The following VAV3 variants were observed in gnomAD, a reference collection of about 807,000 sequenced individuals.
VAV3 encodes guanine nucleotide exchange factor VAV3.
VAV3 carries 94 observed loss-of-function variants against 131.2 expected under a neutral mutation model. That is an observed-to-expected ratio of 0.72 (90% CI 0.61 to 0.85). The LOEUF is 0.85. Among genes scored for constraint, VAV3 ranks in the 40% least tolerant of loss-of-function variants. VAV3 has a pLI of 0.00. For missense variants in VAV3, 939 were observed against 1,002.7 expected (o/e 0.94, Z 0.86); for synonymous variants, 349 against 342.0 (o/e 1.02, Z -0.22).
intron 25 of VAV3, among the ~76,000 whole-genome samples, chr1:107,593,125 A>T (rs1393426620): frequency 6.6e-6 from 1 of 151,886 alleles, no homozygotes; most frequent in Non-Finnish European, 1.5e-5. Flanking sequence ...GAGACAGCCT[A>T]CAATGGGCCC....
chr1:107,719,393 C>T (rs758289468), intron 15 of VAV3, among the ~76,000 whole-genome samples: 3 of 152,032 alleles, frequency 2.0e-5, no homozygotes, highest in South Asian at 2.1e-4. Context: ...AAAAAGTGGT[C>T]GAAGGATATA....
chr1:107,940,311 T>G (rs1673925052), intron 1 of VAV3, among the ~76,000 whole-genome samples: 1 of 152,188 alleles, frequency 6.6e-6, no homozygotes, highest in Non-Finnish European at 1.5e-5. Context: ...GACTATCATC[T>G]GCCCCACACC....
chr1:107,701,499 A>T (rs1660129660), intron 17 of VAV3, among the ~76,000 whole-genome samples: 1 of 150,684 alleles, frequency 6.6e-6, no homozygotes, highest in Non-Finnish European at 1.5e-5. Flanking sequence ...AGGGGCTGCC[A>T]TGAAGACCTC....
At chr1:107,656,158 T>G (rs1314369320) in intron 19 of VAV3, among the ~76,000 whole-genome samples, 9 of 152,204 alleles carry the variant, frequency 5.9e-5, no homozygotes, top group Non-Finnish European at 1.2e-4. Context: ...CTCCCTTGCT[T>G]ATTGTAACAC....
At chr1:107,591,123 T>C (rs999482495) in intron 25 of VAV3, among the ~76,000 whole-genome samples, 1 of 152,132 alleles carries the variant, frequency 6.6e-6, no homozygotes, top group African/African-American at 2.4e-5. Context: ...GGTTCCCTAT[T>C]GGCCACCACC....
At chr1:107,851,167 G>A (rs6668343) in intron 2 of VAV3, among the ~76,000 whole-genome samples, 11,122 of 122,772 alleles carry the variant, frequency 0.091, 762 homozygotes, top group African/African-American at 0.23. Flanking sequence ...GTGAGACTCC[G>A]TCTCAAAAAA....
At chr1:107,629,230 T>C (rs1253919571) in intron 20 of VAV3, among the ~76,000 whole-genome samples, 1 of 152,258 alleles carries the variant, frequency 6.6e-6, no homozygotes, top group African/African-American at 2.4e-5. Context: ...ATGTTTTCTA[T>C]GCATTCTATT....
chr1:107,696,559 ATC>A (rs1422019872), intron 17 of VAV3, among the ~76,000 whole-genome samples: 1 of 152,140 alleles, frequency 6.6e-6, no homozygotes, highest in Non-Finnish European at 1.5e-5. Context: ...TCCAATCAGG[ATC>A]TCTTTTTGTT....
At chr1:107,755,653 C>G in intron 11 of VAV3, 140 bp from the exon 12 acceptor site, 3 of 614,828 alleles carry the variant, frequency 4.9e-6, no homozygotes, top group Non-Finnish European at 8.4e-6. Context: ...AAATGAATGC[C>G]CAGTCAATCA....
At chr1:107,641,616 C>G (rs1655345746) in intron 20 of VAV3, among the ~76,000 whole-genome samples, 2 of 152,284 alleles carry the variant, frequency 1.3e-5, no homozygotes, top group South Asian at 2.1e-4. Flanking sequence ...TGCTCACTTA[C>G]TTTTCACATT....
chr1:107,882,036 T>C (rs72689617), intron 1 of VAV3, among the ~76,000 whole-genome samples: 5,526 of 152,220 alleles, frequency 0.036, 123 homozygotes, highest in Middle Eastern at 0.11. Context: ...CTTCCCTTTT[T>C]ATTTGAAAAA....
In VAV3 at chr1:107,574,216, G is replaced by A; in HGVS notation, c.2351-18C>T. On this transcript the variant is annotated intron_variant, in intron 25 of 26. Transcript: ENST00000370056. ...ACTTAACACTGTCAAGAAATGACAA[G>A]CAATGACAGTAGGTTTGCAGTTCGT... is the stretch of plus-strand genomic sequence containing the variant. 2.5e-6 allele frequency: 4 copies of A among 1,610,066 alleles called. No individual in the cohort carries two copies. The highest frequency in any genetic ancestry group is 3.4e-6 in the Non-Finnish European group (4 of 1,178,620).
chr1:107,737,797 C>G (rs533670448), intron 15 of VAV3, among the ~76,000 whole-genome samples: 2 of 152,136 alleles, frequency 1.3e-5, no homozygotes, highest in African/African-American at 2.4e-5. Context: ...GACAGTGTGG[C>G]GATTCCTCAA....
At chr1:107,624,374 CTG>C (rs59476510) in intron 20 of VAV3, among the ~76,000 whole-genome samples, 28,800 of 142,934 alleles carry the variant, frequency 0.2, 2,895 homozygotes, top group Non-Finnish European at 0.24. Flanking sequence ...AGTCTTATGA[CTG>C]TGTGTGTGTG....
At chr1:107,640,584 T>C (rs1655269278) in intron 20 of VAV3, among the ~76,000 whole-genome samples, 1 of 152,306 alleles carries the variant, frequency 6.6e-6, no homozygotes, top group East Asian at 1.9e-4. Context: ...CACTTATATA[T>C]ATGTATGTAC....
At chr1:107,763,372 G>A (rs1009029164) in intron 9 of VAV3, among the ~76,000 whole-genome samples, 3 of 152,026 alleles carry the variant, frequency 2.0e-5, no homozygotes, top group Non-Finnish European at 4.4e-5. Context: ...AACTCTGAAA[G>A]AAGGAAGAAC....
intron 2 of VAV3, among the ~76,000 whole-genome samples, chr1:107,851,259 CA>C: frequency 6.6e-6 from 1 of 151,318 alleles, no homozygotes; most frequent in South Asian, 2.1e-4. Context: ...GAAGAGCTAT[CA>C]CTTGGCTTAC....
At chr1:107,827,750 T>A (rs1668076393) in intron 2 of VAV3, among the ~76,000 whole-genome samples, 1 of 152,218 alleles carries the variant, frequency 6.6e-6, no homozygotes, top group African/African-American at 2.4e-5. Context: ...TTGAGGTTTT[T>A]TAACCATTGA....
chr1:107,851,171 CAA>C (rs35609784), intron 2 of VAV3, among the ~76,000 whole-genome samples: 16 of 68,474 alleles, frequency 2.3e-4, no homozygotes, highest in Admixed American at 4.5e-4. Context: ...GACTCCGTCT[CAA>C]AAAAAAAAAA....
Sources: gnomAD v4.1 joint callset for allele counts (sites outside exome capture counted in the v4.1 genomes callset) on GRCh38, gnomAD v4.1.1 for gene constraint, MANE v1.5 for transcripts, NCBI Gene and HGNC (gene_info 2026-07-23, HGNC 2026-07-21) for gene names.